The following ATG10 variants were observed in gnomAD, a reference collection of about 807,000 sequenced individuals.
ATG10 encodes the protein ubiquitin-like-conjugating enzyme ATG10.
Under a neutral mutation model 32.1 loss-of-function variants are expected in ATG10, and 30 were observed. That is an observed-to-expected ratio of 0.94 (90% CI 0.70 to 1.27). The LOEUF (loss-of-function observed/expected upper bound fraction) is 1.27. ATG10 is among the 50% of genes most tolerant of loss of function. The pLI is 0.00. For synonymous variants in ATG10, 87 were observed against 91.5 expected (o/e 0.95, Z 0.28); for missense variants, 233 against 262.3 (o/e 0.89, Z 0.77).
At chr5:82,117,183 A>T (rs1561306688) in intron 3 of ATG10, among the ~76,000 whole-genome samples, 1 of 152,112 alleles carries the variant, frequency 6.6e-6, no homozygotes, top group Non-Finnish European at 1.5e-5. Context: ...CAGACATGGA[A>T]GTAATTATGA....
chr5:82,224,028 A>G (rs1746026044), intron 5 of ATG10, among the ~76,000 whole-genome samples: 1 of 152,226 alleles, frequency 6.6e-6, no homozygotes, highest in East Asian at 1.9e-4. Context: ...ACCTTTGGAA[A>G]TAACCAGCAG....
intron 2 of ATG10, among the ~76,000 whole-genome samples, chr5:82,044,642 G>T (rs1763183920): frequency 6.6e-6 from 1 of 152,082 alleles, no homozygotes; most frequent in South Asian, 2.1e-4. Flanking sequence ...GCGACGGCAA[G>T]TCCTGAACAG....
chr5:82,247,159 T>C (rs1747071380), intron 5 of ATG10, among the ~76,000 whole-genome samples: 1 of 152,216 alleles, frequency 6.6e-6, no homozygotes, highest in Non-Finnish European at 1.5e-5. Context: ...GTTGAGCTTC[T>C]GGGATCTGTA....
intron 5 of ATG10, among the ~76,000 whole-genome samples, chr5:82,223,032 T>C (rs1271175865): frequency 2.0e-5 from 3 of 152,216 alleles, no homozygotes; most frequent in Non-Finnish European, 2.9e-5. Flanking sequence ...TGTGGAAGTT[T>C]ATAAGCAACA....
chr5:82,225,090 T>G (rs1319489413), intron 5 of ATG10, among the ~76,000 whole-genome samples: 1 of 152,254 alleles, frequency 6.6e-6, no homozygotes, highest in East Asian at 1.9e-4. Flanking sequence ...AGGTATTTAG[T>G]TGACCAATAG....
At chr5:82,153,290 A>C (rs931304916) in intron 3 of ATG10, among the ~76,000 whole-genome samples, 1 of 152,142 alleles carries the variant, frequency 6.6e-6, no homozygotes, top group African/African-American at 2.4e-5. Flanking sequence ...AGTTAGTTGA[A>C]TGTATATGTG....
chr5:82,004,896 G>A (rs377536716), intron 2 of ATG10, among the ~76,000 whole-genome samples: 1 of 152,152 alleles, frequency 6.6e-6, no homozygotes, highest in Admixed American at 6.5e-5. Context: ...TCTCAAAATG[G>A]CACCAATTGA....
chr5:82,076,981 T>C (rs546205498), intron 3 of ATG10, among the ~76,000 whole-genome samples: 11 of 152,228 alleles, frequency 7.2e-5, no homozygotes, highest in African/African-American at 2.4e-4. Context: ...TTTCAAAGAT[T>C]TGAGGTTTGG....
intron 3 of ATG10, among the ~76,000 whole-genome samples, chr5:82,074,041 A>C (rs1324624709): frequency 2.0e-5 from 3 of 152,210 alleles, no homozygotes; most frequent in Non-Finnish European, 2.9e-5. Flanking sequence ...ATGTGTTGAC[A>C]CTGAAATGCT....
intron 3 of ATG10, among the ~76,000 whole-genome samples, chr5:82,104,783 T>C (rs1365351582): frequency 3.3e-5 from 5 of 152,196 alleles, no homozygotes; most frequent in Non-Finnish European, 7.4e-5. Flanking sequence ...AGCTTTATTG[T>C]TAAACCTATA....
At chr5:82,057,001 A>G (rs1371242950) in intron 2 of ATG10, among the ~76,000 whole-genome samples, 1 of 152,088 alleles carries the variant, frequency 6.6e-6, no homozygotes, top group Non-Finnish European at 1.5e-5. Flanking sequence ...CAGTAATTCC[A>G]TCTACAAAAT....
intron 3 of ATG10, among the ~76,000 whole-genome samples, chr5:82,137,453 CCTT>C (rs1581728180): frequency 1.3e-5 from 2 of 152,186 alleles, no homozygotes; most frequent in East Asian, 1.9e-4. Flanking sequence ...TTCTTACTGT[CCTT>C]CTAACAGTCA....
intron 3 of ATG10, among the ~76,000 whole-genome samples, chr5:82,136,157 ATGGGT>A (rs1255339540): frequency 6.6e-6 from 1 of 152,102 alleles, no homozygotes; most frequent in African/African-American, 2.4e-5. Context: ...CAGCACACCG[ATGGGT>A]CTTGACTCTT....
chr5:82,123,818 C>T lies in ATG10; in HGVS notation c.217-40581C>T, dbSNP rs372511185. Among the ~76,000 whole-genome samples, 20 of 150,222 alleles carry T rather than the reference C, an allele frequency of 1.3e-4. No homozygotes were observed. The East Asian group carries it at 3.6e-3, about 27-fold the overall frequency. On this transcript the variant is annotated intron_variant, in intron 3 of 7. Coordinates refer to ENST00000282185, the MANE Select transcript of ATG10 (RefSeq NM_031482.5). The stretch of plus-strand genomic sequence containing the variant: ...ATGCATGGTGGTGTAAGCCTGTTGT[C>T]TCAGCTAGTCAGGAGGCTGAGGTGA...
At chr5:82,208,724 A>T (rs1391931502) in intron 5 of ATG10, among the ~76,000 whole-genome samples, 1 of 152,208 alleles carries the variant, frequency 6.6e-6, no homozygotes, top group East Asian at 1.9e-4. Context: ...TGTGTTTGAG[A>T]TGTTGATGTT....
chr5:82,043,702 G>C (rs1763154239), intron 2 of ATG10, among the ~76,000 whole-genome samples: 1 of 152,152 alleles, frequency 6.6e-6, no homozygotes, highest in African/African-American at 2.4e-5. Flanking sequence ...TCTCTTGCCA[G>C]ATACCCTAAA....
chr5:82,100,703 C>T (rs1765239934), intron 3 of ATG10, among the ~76,000 whole-genome samples: 1 of 150,650 alleles, frequency 6.6e-6, no homozygotes, highest in Non-Finnish European at 1.5e-5. Flanking sequence ...AGAAAAAAGA[C>T]TGAAATATAC....
intron 3 of ATG10, among the ~76,000 whole-genome samples, chr5:82,144,455 AT>A (rs1397178973): frequency 2.8e-4 from 42 of 151,546 alleles, no homozygotes; most frequent in African/African-American, 1.0e-3. Context: ...TGTAGCTATA[AT>A]TTTTCCTCTA....
chr5:82,090,048 C>T (rs528964304), intron 3 of ATG10, among the ~76,000 whole-genome samples: 1 of 146,550 alleles, frequency 6.8e-6, no homozygotes, highest in East Asian at 2.2e-4. Context: ...CACTACACAC[C>T]TATCCAAATG....
Sources: allele counts gnomAD v4.1 joint callset (sites outside exome capture counted in the v4.1 genomes callset), GRCh38; gene constraint gnomAD v4.1.1; transcripts MANE v1.5; gene names NCBI Gene and HGNC (gene_info 2026-07-23, HGNC 2026-07-21).